Variants in SCIMP observed in about 807,000 individuals in gnomAD.
SCIMP encodes the protein SLP adapter and CSK-interacting membrane protein.
A neutral mutation model predicts 22.0 loss-of-function variants in SCIMP; 18 were observed. That is an observed-to-expected ratio of 0.82 (90% CI 0.56 to 1.21). The LOEUF (loss-of-function observed/expected upper bound fraction) is 1.21. Among genes scored for constraint, SCIMP ranks in the 50% most tolerant of loss-of-function variants. SCIMP has a pLI of 0.00. For missense variants in SCIMP, 155 were observed against 171.2 expected (o/e 0.91, Z 0.53); for synonymous variants, 53 against 62.2 (o/e 0.85, Z 0.70).
chr17:5,219,235 C>T (rs1417124955), intron 3 of SCIMP, among the ~76,000 whole-genome samples: 2 of 152,106 alleles, frequency 1.3e-5, no homozygotes, highest in Non-Finnish European at 2.9e-5. Flanking sequence ...AGGAGAATCA[C>T]TTGAACCTGG....
At chr17:5,211,058 C>T (rs2074522949) in intron 4 of SCIMP, 103 bp from the exon 5 acceptor site, 1 of 1,488,832 alleles carries the variant, frequency 6.7e-7, no homozygotes, top group Non-Finnish European at 8.9e-7. Context: ...GATCTTCCCA[C>T]TTCTAGTGGG....
In SCIMP at chr17:5,209,770, T is replaced by TCTG; in HGVS notation, c.*1028_*1030dup. ...ATTAGGACACTTGTTTAACAAGACA[T>TCTG]CTGCCCATGTCCCTGGCCCATCTCA... On this transcript the variant is annotated 3_prime_UTR_variant, in exon 5 of 5. Coordinates refer to ENST00000574081, the MANE Select transcript of SCIMP (RefSeq NM_207103.3). 1 of 152,336 alleles carries TCTG rather than the reference T, an allele frequency of 6.6e-6. No individual in the cohort carries two copies. The highest frequency in any genetic ancestry group is 1.5e-5 in the Non-Finnish European group (1 of 68,048). The allele number at this position is 152,336 out of a possible 1,614,324, so 9.4% of individuals were successfully genotyped here.
intron 3 of SCIMP, among the ~76,000 whole-genome samples, chr17:5,220,282 C>T (rs567586039): frequency 6.6e-6 from 1 of 152,146 alleles, no homozygotes; most frequent in South Asian, 2.1e-4. Context: ...TGACCTTTGT[C>T]AGAATAGATG....
intron 2 of SCIMP, among the ~76,000 whole-genome samples, chr17:5,221,806 CT>C (rs1376243307): frequency 2.0e-5 from 3 of 152,114 alleles, no homozygotes; most frequent in Admixed American, 2.0e-4. Flanking sequence ...GAGCCTCACT[CT>C]TGTTGCCCAG....
chr17:5,231,713 A>G (rs1163056827), intron 1 of SCIMP, among the ~76,000 whole-genome samples: 1 of 152,060 alleles, frequency 6.6e-6, no homozygotes, highest in African/African-American at 2.4e-5. Context: ...CTGTTTTCCC[A>G]TCTCCTCACT....
chr17:5,223,500 A>G, intron 1 of SCIMP, 44 bp from the exon 2 acceptor site: 1 of 1,606,654 alleles, frequency 6.2e-7, no homozygotes, highest in Non-Finnish European at 8.5e-7. Context: ...AATGAAAGAT[A>G]TCCTGGGGTT....
intron 1 of SCIMP, among the ~76,000 whole-genome samples, chr17:5,231,783 G>A (rs1322669949): frequency 1.3e-5 from 2 of 152,080 alleles, no homozygotes; most frequent in African/African-American, 4.8e-5. Flanking sequence ...GGCGGGACGC[G>A]GTGGCTCACG....
rs144252274 is a variant in SCIMP, at chr17:5,211,014, A to T, written c.284-59T>A. The T allele has an allele frequency of 2.2e-4, 343 of 1,551,310 alleles. 1 individual carries two copies. The East Asian group carries it at 7.7e-3, about 35-fold the overall frequency. On this transcript the variant is annotated intron_variant, in intron 4 of 4. Coordinates refer to ENST00000574081, the MANE Select transcript of SCIMP (RefSeq NM_207103.3). The stretch of plus-strand genomic sequence containing the variant: ...CTGTCATGTGTTTTTATATTTTTGA[A>T]GGCAGTGGCTCAGCGTGATTTTCAC...
In SCIMP at chr17:5,223,398, A is replaced by G. The variant is rs769253324; in HGVS notation, c.80T>C (p.Ile27Thr). The G allele has an allele frequency of 1.4e-5, 22 of 1,613,600 alleles. No individual in the cohort carries two copies. Among genetic ancestry groups the G allele is most frequent in the Admixed American group, 3.3e-5 (2 of 59,968 alleles). ...GCCCAGACCCACAGAGACAACGATGATGGCCACAGCTAAGATGATCCAGAA... is the reference window on the plus strand; with the variant it reads ...GCCCAGACCCACAGAGACAACGATGGTGGCCACAGCTAAGATGATCCAGAA... ...NNFWIILAVA[I>T]IVVSVGLGLI... is the part of the protein sequence containing the mutation. Residue 27 changes from isoleucine (I) to threonine (T), a missense_variant, in exon 2 of 5, where the codon ATC (isoleucine) becomes ACC (threonine). By Grantham distance (89) the Ile-to-Thr change is moderately conservative. Coordinates refer to ENST00000574081, the MANE Select transcript of SCIMP (RefSeq NM_207103.3).
chr17:5,211,064 G>A lies in SCIMP; in HGVS notation c.284-109C>T, dbSNP rs1235726312. 2.7e-6 allele frequency: 4 copies of A among 1,476,598 alleles called. No homozygotes were observed. In the East Asian group the frequency reaches 9.3e-5, roughly 35 times the overall value. The allele number at this position is 1,476,598 out of a possible 1,614,324, so 91.5% of individuals were successfully genotyped here. ...CGTTTCAGTGATCTTCCCACTTCTA[G>A]TGGGCCAGATCCCCATTTTACAGAG... On this transcript the variant is annotated intron_variant, in intron 4 of 4. Coordinates refer to ENST00000574081, the MANE Select transcript of SCIMP (RefSeq NM_207103.3).
At chr17:5,227,479 G>A (rs532637014) in intron 1 of SCIMP, among the ~76,000 whole-genome samples, 8 of 152,286 alleles carry the variant, frequency 5.3e-5, no homozygotes, top group African/African-American at 1.7e-4. Context: ...GCCTCCCAAA[G>A]TTCTGGGATT....
At chr17:5,221,701 G>A (rs779739607) in intron 2 of SCIMP, among the ~76,000 whole-genome samples, 16 of 152,196 alleles carry the variant, frequency 1.1e-4, no homozygotes, top group Non-Finnish European at 1.9e-4. Flanking sequence ...GTTAATAGGA[G>A]TGGTTGAGGA....
chr17:5,231,749 C>A (rs567338905), intron 1 of SCIMP, among the ~76,000 whole-genome samples: 8 of 152,256 alleles, frequency 5.3e-5, no homozygotes, highest in African/African-American at 1.9e-4. Flanking sequence ...TAAATGCATT[C>A]TGTGCTGCAA....
At chr17:5,224,749 C>T (rs1392568199) in intron 1 of SCIMP, among the ~76,000 whole-genome samples, 4 of 152,162 alleles carry the variant, frequency 2.6e-5, no homozygotes, top group Non-Finnish European at 5.9e-5. Context: ...GCCACCATGC[C>T]CAGCCAGTTG....
chr17:5,233,221 G>A (rs569356572), intron 1 of SCIMP, among the ~76,000 whole-genome samples: 8 of 151,852 alleles, frequency 5.3e-5, no homozygotes, highest in Non-Finnish European at 8.8e-5. Context: ...TCCCCACCCC[G>A]CTTCAGCCCA....
intron 4 of SCIMP, among the ~76,000 whole-genome samples, chr17:5,211,759 G>A (rs1412833682): frequency 6.6e-6 from 1 of 152,140 alleles, no homozygotes; most frequent in Non-Finnish European, 1.5e-5. Context: ...AATTAGTACA[G>A]AACAGGTTCA....
At chr17:5,227,741 C>T (rs1423639952) in intron 1 of SCIMP, among the ~76,000 whole-genome samples, 1 of 152,214 alleles carries the variant, frequency 6.6e-6, no homozygotes, top group Admixed American at 6.5e-5. Context: ...AGCCCAGTCC[C>T]CATCCCCCAT....
intron 1 of SCIMP, among the ~76,000 whole-genome samples, chr17:5,233,132 C>T (rs992367076): frequency 6.6e-6 from 1 of 152,096 alleles, no homozygotes; most frequent in Non-Finnish European, 1.5e-5. Context: ...AGTCCAGCCT[C>T]TCTTCTTCCC....
intron 3 of SCIMP, among the ~76,000 whole-genome samples, chr17:5,216,791 G>A (rs1447815160): frequency 6.6e-6 from 1 of 152,146 alleles, no homozygotes; most frequent in Non-Finnish European, 1.5e-5. Context: ...TGCTGGTAAC[G>A]TCCTATTTCT....
Sources: gnomAD v4.1 joint callset for allele counts (sites outside exome capture counted in the v4.1 genomes callset) on GRCh38, gnomAD v4.1.1 for gene constraint, MANE v1.5 for transcripts, NCBI Gene and HGNC (gene_info 2026-07-23, HGNC 2026-07-21) for gene names.